Variants in PTPRD observed in about 807,000 individuals in gnomAD.
PTPRD encodes receptor-type tyrosine-protein phosphatase delta.
PTPRD carries 34 observed loss-of-function variants against 214.5 expected under a neutral mutation model. The observed-to-expected ratio is 0.16, with a 90% confidence interval of 0.12 to 0.21. The LOEUF (loss-of-function observed/expected upper bound fraction) is 0.21, where lower values mean the gene tolerates loss of function less well. PTPRD is among the 10% of genes least tolerant of loss of function. The pLI is 1.00. For missense variants in PTPRD, 2,545 were observed against 2,398.7 expected, an observed-to-expected ratio of 1.06 and a Z score of -1.27; for synonymous variants, 1,128 against 845.7, an observed-to-expected ratio of 1.33 and a Z score of -5.79.
intron 7 of PTPRD, among the ~76,000 whole-genome samples, chr9:9,593,603 G>A (rs993245627): frequency 6.6e-6 from 1 of 151,972 alleles, no homozygotes; most frequent in African/African-American, 2.4e-5. Flanking sequence ...GTGAAGGAAT[G>A]TGGAGGCAGC....
chr9:10,449,466 C>A (rs1164868414), intron 2 of PTPRD, among the ~76,000 whole-genome samples: 3 of 151,506 alleles, frequency 2.0e-5, no homozygotes, highest in Non-Finnish European at 2.9e-5. Flanking sequence ...GCCACCCCGT[C>A]TGGGAAGTGA....
intron 35 of PTPRD, among the ~76,000 whole-genome samples, chr9:8,421,384 CTCTT>C (rs937587592): frequency 1.5e-4 from 23 of 151,672 alleles, no homozygotes; most frequent in African/African-American, 4.6e-4. Flanking sequence ...CTCTCTCTCT[CTCTT>C]TCTTTCTTTC....
At chr9:9,741,467 GATTAT>G (rs1301568572) in intron 6 of PTPRD, among the ~76,000 whole-genome samples, 3 of 100,302 alleles carry the variant, frequency 3.0e-5, no homozygotes, top group Non-Finnish European at 1.8e-5. Flanking sequence ...TTTAAATTAT[GATTAT>G]ACTTATAAGT....
intron 4 of PTPRD, among the ~76,000 whole-genome samples, chr9:10,029,477 G>A (rs573319539): frequency 2.0e-5 from 3 of 152,310 alleles, no homozygotes; most frequent in African/African-American, 4.8e-5. Flanking sequence ...GGGCAGCCAT[G>A]GGAACCCATC....
intron 10 of PTPRD, among the ~76,000 whole-genome samples, chr9:9,151,248 T>C (rs917135874): frequency 4.6e-5 from 7 of 152,080 alleles, no homozygotes; most frequent in Non-Finnish European, 8.8e-5. Context: ...CATCTCCTGC[T>C]CCTACTGTTT....
Position 9,628,199 on chromosome 9 carries a change from G to A in PTPRD, c.-286-53418C>T, listed in dbSNP as rs77991484. ...TTTCTTAATTTTTCTCCTTCCTGTG[G>A]CCCCAGTTTGGTCTCTCCAGTCACT... On this transcript the variant is annotated intron_variant, in intron 7 of 45. Coordinates refer to ENST00000381196, the MANE Select transcript of PTPRD (RefSeq NM_002839.4). Among the ~76,000 whole-genome samples the A allele has an allele frequency of 4.1e-3, 620 of 152,130 alleles. 5 individuals carry two copies. The highest frequency in any genetic ancestry group is 0.014 in the African/African-American group (595 of 41,490).
At chr9:9,155,703 G>A (rs1246058573) in intron 10 of PTPRD, among the ~76,000 whole-genome samples, 1 of 152,124 alleles carries the variant, frequency 6.6e-6, no homozygotes, top group East Asian at 1.9e-4. Flanking sequence ...ATGTTTGCTT[G>A]GATTCATGGA....
chr9:9,144,738 G>A (rs962849947), intron 10 of PTPRD, among the ~76,000 whole-genome samples: 1 of 152,028 alleles, frequency 6.6e-6, no homozygotes, highest in Admixed American at 6.5e-5. Flanking sequence ...AGGCGACAGA[G>A]CGAGACTCTG....
chr9:10,226,794 G>T (rs1285597025), intron 3 of PTPRD, among the ~76,000 whole-genome samples: 2 of 151,996 alleles, frequency 1.3e-5, no homozygotes, highest in Non-Finnish European at 1.5e-5. Context: ...AACAGGGATA[G>T]ATCAATAGTT....
rs1006320417 is a variant in PTPRD at position 9,954,309 on chromosome 9, A to C, written c.-471-15699T>G. Among the ~76,000 whole-genome samples, 376 of 144,126 alleles carry C rather than the reference A, an allele frequency of 2.6e-3. 2 individuals carry two copies. The highest frequency in any genetic ancestry group is 8.3e-3 in the African/African-American group (338 of 40,638). The allele number at this position is 144,126 out of a possible 152,430, so 94.6% of individuals were successfully genotyped here. A position where few individuals can be genotyped will look rare whatever the true frequency, so the allele number is the denominator to read the frequency against. ...CTCTGTCTCAAAACAAAAAAAAAAAAAAAAAAAAAAAAAAAGATCATTGTC... is the reference window on the plus strand; with the variant it reads ...CTCTGTCTCAAAACAAAAAAAAAAACAAAAAAAAAAAAAAAGATCATTGTC... On this transcript the variant is annotated intron_variant, in intron 4 of 45. Transcript: ENST00000381196.
At chr9:8,805,354 T>C (rs2096654490) in intron 11 of PTPRD, among the ~76,000 whole-genome samples, 1 of 152,186 alleles carries the variant, frequency 6.6e-6, no homozygotes, top group Non-Finnish European at 1.5e-5. Context: ...CTCTAAATTC[T>C]ACATATCCTT....
chr9:9,430,682 A>C (rs2082740193), intron 8 of PTPRD, among the ~76,000 whole-genome samples: 1 of 152,216 alleles, frequency 6.6e-6, no homozygotes, highest in African/African-American at 2.4e-5. Context: ...CCAAAACAGC[A>C]TTGTACTGGT....
chr9:10,506,242 T>A (rs1044892224), intron 2 of PTPRD, among the ~76,000 whole-genome samples: 2 of 152,150 alleles, frequency 1.3e-5, no homozygotes, highest in Admixed American at 1.3e-4. Flanking sequence ...AATTTTAGCT[T>A]TATAAAAGAT....
At chr9:8,712,537 G>A (rs2098361339) in intron 12 of PTPRD, among the ~76,000 whole-genome samples, 1 of 151,710 alleles carries the variant, frequency 6.6e-6, no homozygotes, top group Non-Finnish European at 1.5e-5. Context: ...ACTGCCTCCA[G>A]GATCCAGAAC....
intron 7 of PTPRD, among the ~76,000 whole-genome samples, chr9:9,667,703 G>C (rs184924808): frequency 1.9e-4 from 29 of 152,124 alleles, no homozygotes; most frequent in Admixed American, 1.8e-3. Context: ...TGAATGTTTA[G>C]AGAACTGGTC....
intron 11 of PTPRD, among the ~76,000 whole-genome samples, chr9:8,883,246 T>C (rs1185585783): frequency 6.6e-6 from 1 of 152,196 alleles, no homozygotes; most frequent in African/African-American, 2.4e-5. Flanking sequence ...ATGTTAACCA[T>C]GGGCTAACAA....
chr9:9,813,200 A>C (rs2047694458), intron 5 of PTPRD, among the ~76,000 whole-genome samples: 1 of 152,022 alleles, frequency 6.6e-6, no homozygotes, highest in Non-Finnish European at 1.5e-5. Context: ...ATTAATAATA[A>C]AGATCTCAAA....
chr9:10,418,354 T>C (rs2098513312), intron 2 of PTPRD, among the ~76,000 whole-genome samples: 1 of 151,498 alleles, frequency 6.6e-6, no homozygotes, highest in South Asian at 2.1e-4. Flanking sequence ...CCCTTTGCCC[T>C]TGGTTAATTA....
chr9:8,805,266 G>C (rs1183024044), intron 11 of PTPRD, among the ~76,000 whole-genome samples: 2 of 152,162 alleles, frequency 1.3e-5, no homozygotes, highest in African/African-American at 4.8e-5. Flanking sequence ...AATTTGAGTA[G>C]CTCAAGTCCA....
Sources: allele counts gnomAD v4.1 joint callset (sites outside exome capture counted in the v4.1 genomes callset), GRCh38; gene constraint gnomAD v4.1.1; transcripts MANE v1.5; gene names NCBI Gene and HGNC (gene_info 2026-07-23, HGNC 2026-07-21).